The following HS6ST3 variants were observed in gnomAD, a reference collection of about 807,000 sequenced individuals.
HS6ST3 encodes the protein heparan-sulfate 6-O-sulfotransferase 3.
In HS6ST3, 12 loss-of-function variants were observed where a neutral mutation model predicts 36.7. That is an observed-to-expected ratio of 0.33 (90% CI 0.21 to 0.53). The LOEUF is 0.53. Among genes scored for constraint, HS6ST3 ranks in the 20% least tolerant of loss-of-function variants. The pLI, the probability that HS6ST3 is intolerant of heterozygous loss-of-function variation, is 0.95. For missense variants in HS6ST3, 584 were observed against 640.9 expected (o/e 0.91, Z 0.96); for synonymous variants, 240 against 257.5 (o/e 0.93, Z 0.65).
chr13:96,758,560 A>G (rs1876888514), intron 1 of HS6ST3, among the ~76,000 whole-genome samples: 1 of 151,800 alleles, frequency 6.6e-6, no homozygotes, highest in Non-Finnish European at 1.5e-5. Context: ...TATCCCACAA[A>G]TTTTGATGTT....
intron 1 of HS6ST3, among the ~76,000 whole-genome samples, chr13:96,445,775 T>C (rs2055695014): frequency 6.6e-6 from 1 of 151,382 alleles, no homozygotes; most frequent in South Asian, 2.1e-4. Context: ...GGCTGAGGCA[T>C]AAGAATCACT....
At chr13:96,419,021 T>A (rs1224818438) in intron 1 of HS6ST3, among the ~76,000 whole-genome samples, 1 of 152,266 alleles carries the variant, frequency 6.6e-6, no homozygotes, top group Non-Finnish European at 1.5e-5. Flanking sequence ...CTTGATTGAT[T>A]AACTGTCTTG....
At chr13:96,199,383 C>G (rs2054330336) in intron 1 of HS6ST3, among the ~76,000 whole-genome samples, 1 of 152,188 alleles carries the variant, frequency 6.6e-6, no homozygotes, top group Non-Finnish European at 1.5e-5. Flanking sequence ...GATTACTTTA[C>G]TTTAAAAAGG....
intron 1 of HS6ST3, among the ~76,000 whole-genome samples, chr13:96,570,720 C>A (rs2056298014): frequency 6.6e-6 from 1 of 152,056 alleles, no homozygotes. Flanking sequence ...TACGGGTGAC[C>A]AAAGAGTAGC....
chr13:96,312,843 T>G (rs1698652845), intron 1 of HS6ST3, among the ~76,000 whole-genome samples: 1 of 150,546 alleles, frequency 6.6e-6, no homozygotes, highest in African/African-American at 2.5e-5. Flanking sequence ...TCCCAGCTAC[T>G]TAGGAGGCTC....
rs1874729740 is a variant in HS6ST3 at position 96,684,992 on chromosome 13, T to TG, written c.708-147498_708-147497insG. Among the ~76,000 whole-genome samples the TG allele has an allele frequency of 2.6e-5, 4 of 152,228 alleles. No individual in the cohort carries two copies. The South Asian group carries it at 6.2e-4, about 24-fold the overall frequency. ...AAACATATTTGTACACATTGTTAAT[T>TG]TTGTTCTTTAGCTTGCAGCAAAGAT... On this transcript the variant is annotated intron_variant, in intron 1 of 1. Transcript: ENST00000376705.
At chr13:96,187,150 G>GAACA (rs1435236218) in intron 1 of HS6ST3, among the ~76,000 whole-genome samples, 2 of 152,194 alleles carry the variant, frequency 1.3e-5, no homozygotes, top group Non-Finnish European at 2.9e-5. Context: ...CAGGTAAAAA[G>GAACA]AACACTCTTT....
At position 96,705,605 on chromosome 13, in the gene HS6ST3, T is replaced by C. The variant is rs181473385; in HGVS notation, c.708-126885T>C. On this transcript the variant is annotated intron_variant, in intron 1 of 1. Coordinates refer to ENST00000376705, the MANE Select transcript of HS6ST3 (RefSeq NM_153456.4). ...CCTTCTATGGGCCCATAGGGGAAAC[T>C]TGAAGGTGGGTTACTTCCAGCTCAA... 1.7e-4 allele frequency among the ~76,000 whole-genome samples: 26 copies of C among 152,266 alleles called. 1 individual carries two copies. The East Asian group carries it at 4.6e-3, about 27-fold the overall frequency.
intron 1 of HS6ST3, among the ~76,000 whole-genome samples, chr13:96,312,045 C>T (rs1007980705): frequency 6.6e-6 from 1 of 152,074 alleles, no homozygotes; most frequent in South Asian, 2.1e-4. Flanking sequence ...CCTGAAATCA[C>T]ACAGATTCTA....
intron 1 of HS6ST3, among the ~76,000 whole-genome samples, chr13:96,336,510 G>T (rs2055101803): frequency 6.6e-6 from 1 of 152,114 alleles, no homozygotes; most frequent in Non-Finnish European, 1.5e-5. Flanking sequence ...TAGTCTGATT[G>T]GTGTCCATAT....
chr13:96,284,250 A>G (rs978469977), intron 1 of HS6ST3, among the ~76,000 whole-genome samples: 5 of 152,170 alleles, frequency 3.3e-5, no homozygotes, highest in African/African-American at 4.8e-5. Flanking sequence ...AGGGGAGTTT[A>G]TTAAGGAGTA....
intron 1 of HS6ST3, among the ~76,000 whole-genome samples, chr13:96,259,368 G>A (rs2139382120): frequency 6.6e-6 from 1 of 152,276 alleles, no homozygotes; most frequent in Non-Finnish European, 1.5e-5. Context: ...TCCCCTGACT[G>A]TCATAGGAGA....
chr13:96,566,554 G>T (rs1179842741), intron 1 of HS6ST3, among the ~76,000 whole-genome samples: 1 of 152,046 alleles, frequency 6.6e-6, no homozygotes, highest in African/African-American at 2.4e-5. Flanking sequence ...TCTTGAACGA[G>T]GAAAACATAA....
intron 1 of HS6ST3, among the ~76,000 whole-genome samples, chr13:96,351,335 T>TTTTTTTTTAAAA (rs1203595829): frequency 3.4e-5 from 5 of 146,406 alleles, no homozygotes; most frequent in African/African-American, 7.8e-5. Flanking sequence ...TTTTTTTTTT[T>TTTTTTTTTAAAA]AAAAAAAACA....
intron 1 of HS6ST3, among the ~76,000 whole-genome samples, chr13:96,111,254 TATC>T (rs1269461115): frequency 2.0e-5 from 3 of 152,216 alleles, no homozygotes; most frequent in Non-Finnish European, 4.4e-5. Flanking sequence ...ACTATTCAAT[TATC>T]ATATAGCTTA....
intron 1 of HS6ST3, among the ~76,000 whole-genome samples, chr13:96,676,067 T>A (rs999882804): frequency 1.3e-5 from 2 of 152,158 alleles, no homozygotes; most frequent in African/African-American, 4.8e-5. Context: ...CCAGAACTGC[T>A]TCTTGGAACA....
chr13:96,419,418 G>GT (rs2139467113), intron 1 of HS6ST3, among the ~76,000 whole-genome samples: 1 of 152,216 alleles, frequency 6.6e-6, no homozygotes, highest in Admixed American at 6.5e-5. Context: ...GAAAAGATGG[G>GT]TTATGATATG....
chr13:96,617,023 G>A (rs1484715761), intron 1 of HS6ST3, among the ~76,000 whole-genome samples: 3 of 152,248 alleles, frequency 2.0e-5, no homozygotes, highest in Non-Finnish European at 2.9e-5. Flanking sequence ...GAAGCCTTCC[G>A]AACCTTAATA....
intron 1 of HS6ST3, among the ~76,000 whole-genome samples, chr13:96,272,717 A>G (rs1370538536): frequency 1.3e-5 from 2 of 152,080 alleles, no homozygotes; most frequent in Non-Finnish European, 2.9e-5. Flanking sequence ...TAAGCTATAC[A>G]GTTAAAATTA....
Sources: gnomAD v4.1 joint callset for allele counts (sites outside exome capture counted in the v4.1 genomes callset) on GRCh38, gnomAD v4.1.1 for gene constraint, MANE v1.5 for transcripts, NCBI Gene and HGNC (gene_info 2026-07-23, HGNC 2026-07-21) for gene names.